ABHD4: variants seen among roughly 807,000 people sequenced by gnomAD.
ABHD4 encodes (Lyso)-N-acylphosphatidylethanolamine lipase.
A neutral mutation model predicts 42.3 loss-of-function variants in ABHD4; 35 were observed. The ratio of observed to expected loss-of-function variants is 0.83; its 90% CI spans 0.63 to 1.10. The LOEUF is 1.10. Among genes scored for constraint, ABHD4 ranks in the 50% least tolerant of loss-of-function variants. ABHD4 has a pLI of 0.00. For synonymous variants in ABHD4, 169 were observed against 170.6 expected (o/e 0.99, Z 0.07); for missense variants, 389 against 454.8 (o/e 0.86, Z 1.32).
rs986859432 is a variant in ABHD4 at position 22,611,878 on chromosome 14, T to A, written c.*930T>A. On this transcript the variant is annotated 3_prime_UTR_variant, in exon 7 of 7. Coordinates refer to ENST00000428304, the MANE Select transcript of ABHD4 (RefSeq NM_022060.3). The stretch of plus-strand genomic sequence containing the variant: ...GTGCCTTGGGCCCTGAAGCCCCATA[T>A]GTAGTATAGAGCAAAGGTGGCTCCT... The A allele has an allele frequency of 1.3e-5, 2 of 152,740 alleles. No homozygotes were observed. Among genetic ancestry groups the A allele is most frequent in the African/African-American group, 4.8e-5 (2 of 41,438 alleles). 9.5% of individuals were successfully genotyped at this position (152,740 alleles called of 1,614,324 possible).
At chr14:22,601,092 ACCT>A (rs2037279758) in intron 1 of ABHD4, among the ~76,000 whole-genome samples, 1 of 152,010 alleles carries the variant, frequency 6.6e-6, no homozygotes, top group African/African-American at 2.4e-5. Context: ...CAGGTCTCTC[ACCT>A]CCTCCTCCCT....
In ABHD4 at chr14:22,606,460, C is replaced by A. The variant is rs781452282; in HGVS notation, c.679C>A (p.Arg227Ser). The A allele has an allele frequency of 6.2e-7, 1 of 1,609,894 alleles. No homozygotes were observed. Among genetic ancestry groups the A allele is most frequent in the African/African-American group, 1.3e-5 (1 of 74,886 alleles). The change falls in exon 5 of 7, where the codon CGC (arginine) becomes AGC (serine). Residue 227 changes from arginine (R) to serine (S), a missense_variant. Transcript: ENST00000428304. Reference protein sequence around the residue: ...LVQRFRPDFKRKFADFFEDDT... With the variant: ...LVQRFRPDFKSKFADFFEDDT... ...GCAGCGATTCCGGCCGGACTTCAAA[C>A]GCAAGTTTGCAGACTTCTTTGAAGA...
At chr14:22,601,568 C>T in intron 1 of ABHD4, 99 bp from the exon 2 acceptor site, 1 of 1,146,726 alleles carries the variant, frequency 8.7e-7, no homozygotes, top group Non-Finnish European at 1.3e-6. Flanking sequence ...TAGGAAACAC[C>T]CTGCTTCCTG....
chr14:22,600,585 C>T (rs2037270828), intron 1 of ABHD4, among the ~76,000 whole-genome samples: 1 of 152,142 alleles, frequency 6.6e-6, no homozygotes, highest in Admixed American at 6.5e-5. Flanking sequence ...TTGAATATGC[C>T]AGTGTTCACA....
intron 5 of ABHD4, among the ~76,000 whole-genome samples, chr14:22,608,014 A>T (rs529148861): frequency 1.3e-5 from 2 of 152,288 alleles, no homozygotes; most frequent in Non-Finnish European, 2.9e-5. Flanking sequence ...ACCTAAACTT[A>T]GGGGCTTTGT....
chr14:22,610,494 T>C (rs1242932), intron 6 of ABHD4, among the ~76,000 whole-genome samples: 96,921 of 152,034 alleles, frequency 0.64, 33,091 homozygotes, highest in African/African-American at 0.89. Flanking sequence ...GCCATGAAGC[T>C]TCCCCACCAC....
intron 4 of ABHD4, 41 bp from the exon 5 acceptor site, chr14:22,606,381 C>T (rs2037349695): frequency 7.0e-7 from 1 of 1,426,980 alleles, no homozygotes; most frequent in African/African-American, 1.4e-5. Context: ...CCTGCCCCAC[C>T]TCCCAAATTG....
At chr14:22,610,056 G>A in intron 6 of ABHD4, 146 bp downstream of exon 6, 1 of 742,970 alleles carries the variant, frequency 1.3e-6, no homozygotes, top group South Asian at 2.3e-5. Context: ...AACTCTCTTT[G>A]GAATATCTTT....
intron 4 of ABHD4, 122 bp downstream of exon 4, chr14:22,604,201 T>A: frequency 8.8e-7 from 1 of 1,132,516 alleles, no homozygotes; most frequent in Non-Finnish European, 1.3e-6. Context: ...AAGCTGTTAA[T>A]CTGAACCAGA....
At chr14:22,606,014 C>T in intron 4 of ABHD4, 1 of 418,004 alleles carries the variant, frequency 2.4e-6, no homozygotes, top group Non-Finnish European at 4.6e-6. Context: ...CTAGTTCCAT[C>T]CGCTACCATC....
rs1325528327 is a variant in ABHD4 at position 22,611,605 on chromosome 14, G to A, written c.*657G>A. ...GCAGAGCTTGTAAGGCTAGAGCCCA[G>A]GTCTGCCGACACCCTGTGCTTGTTG... On this transcript the variant is annotated 3_prime_UTR_variant, in exon 7 of 7. Coordinates refer to ENST00000428304, the MANE Select transcript of ABHD4 (RefSeq NM_022060.3). 2 of 152,598 alleles carry A rather than the reference G, an allele frequency of 1.3e-5. No homozygotes were observed. The highest frequency in any genetic ancestry group is 2.9e-5 in the Non-Finnish European group (2 of 68,288). The allele number at this position is 152,598 out of a possible 1,614,324, so 9.5% of individuals were successfully genotyped here.
chr14:22,607,586 A>G (rs575210774), intron 5 of ABHD4, among the ~76,000 whole-genome samples: 23 of 152,192 alleles, frequency 1.5e-4, no homozygotes, highest in Admixed American at 4.6e-4. Context: ...AAGAACCCTG[A>G]TCAAACAGTA....
intron 2 of ABHD4, 89 bp from the exon 3 acceptor site, chr14:22,603,301 G>A: frequency 6.5e-7 from 1 of 1,528,660 alleles, no homozygotes; most frequent in South Asian, 1.2e-5. Flanking sequence ...TTCGGGAATG[G>A]AGAGAATGTG....
intron 1 of ABHD4, 162 bp downstream of exon 1, chr14:22,598,491 T>G: frequency 1.3e-6 from 2 of 1,531,798 alleles, no homozygotes; most frequent in Non-Finnish European, 1.8e-6. Context: ...TGCTTTGCAT[T>G]TGCCCAGAAG....
chr14:22,598,541 C>A, intron 1 of ABHD4: 2 of 1,416,006 alleles, frequency 1.4e-6, no homozygotes, highest in South Asian at 1.2e-5. Context: ...GAGACGCGCT[C>A]GCCCGCAGCC....
In ABHD4 at chr14:22,609,717, TTGACAGTGG is replaced by T. The variant is rs1262165895; in HGVS notation, c.753-3_758del. On this transcript the variant is annotated splice_acceptor_variant and splice_polypyrimidine_tract_variant and coding_sequence_variant and intron_variant, in exon 6 of 7. Transcript: ENST00000428304. LOFTEE classifies it high-confidence loss of function. The stretch of plus-strand genomic sequence containing the variant: ...TGTGAAGTTTATTGCTGTTTTGCTT[TTGACAGTGG>T]TGAGACAGCATTCAAAGCCATGATG... 33 of 1,612,284 alleles carry T rather than the reference TTGACAGTGG, an allele frequency of 2.0e-5. No homozygotes were observed. The highest frequency in any genetic ancestry group is 2.6e-5 in the Non-Finnish European group (31 of 1,179,148).
chr14:22,609,240 C>T (rs372827476), intron 5 of ABHD4, among the ~76,000 whole-genome samples: 5 of 151,600 alleles, frequency 3.3e-5, no homozygotes, highest in East Asian at 1.9e-4. Flanking sequence ...TCAAATGATC[C>T]GCCCGCCTCG....
At chr14:22,607,344 C>T (rs752535538) in intron 5 of ABHD4, among the ~76,000 whole-genome samples, 1 of 152,114 alleles carries the variant, frequency 6.6e-6, no homozygotes, top group Non-Finnish European at 1.5e-5. Context: ...GCTGATACCA[C>T]GAGGCCATGT....
intron 2 of ABHD4, among the ~76,000 whole-genome samples, chr14:22,602,403 G>A (rs554623016): frequency 2.6e-5 from 4 of 152,276 alleles, no homozygotes; most frequent in East Asian, 3.9e-4. Context: ...TTCTGGGCCC[G>A]AGTAAGTGCA....
Sources: gnomAD v4.1 joint callset for allele counts (sites outside exome capture counted in the v4.1 genomes callset) on GRCh38, gnomAD v4.1.1 for gene constraint, MANE v1.5 for transcripts, NCBI Gene and HGNC (gene_info 2026-07-23, HGNC 2026-07-21) for gene names.